Variants in FBXL7 observed in about 807,000 individuals in gnomAD.
FBXL7 encodes F-box/LRR-repeat protein 7.
In FBXL7, 12 loss-of-function variants were observed where a neutral mutation model predicts 38.3. The ratio of observed to expected loss-of-function variants is 0.31; its 90% CI spans 0.20 to 0.51. The LOEUF is 0.51. Ranked by LOEUF, FBXL7 falls within the 20% of genes least tolerant of loss-of-function variation. FBXL7 has a pLI of 0.98. For synonymous variants in FBXL7, 297 were observed against 300.9 expected, an observed-to-expected ratio of 0.99 and a Z score of 0.13; for missense variants, 567 against 676.4, an observed-to-expected ratio of 0.84 and a Z score of 1.79.
chr5:15,805,709 C>A (rs1554022768), intron 2 of FBXL7, among the ~76,000 whole-genome samples: 1 of 151,362 alleles, frequency 6.6e-6, no homozygotes, highest in Non-Finnish European at 1.5e-5. Context: ...GTAATCTATT[C>A]AGAAAAAAAG....
chr5:15,768,486 A>G (rs1006116673), intron 2 of FBXL7, among the ~76,000 whole-genome samples: 2 of 151,782 alleles, frequency 1.3e-5, no homozygotes, highest in South Asian at 2.1e-4. Flanking sequence ...AGCCGAGATC[A>G]TGCCACTGCA....
At chr5:15,724,417 C>T (rs1338236603) in intron 2 of FBXL7, among the ~76,000 whole-genome samples, 1 of 152,106 alleles carries the variant, frequency 6.6e-6, no homozygotes, top group African/African-American at 2.4e-5. Flanking sequence ...CATATGTTTA[C>T]ACCCTGTAAC....
intron 2 of FBXL7, among the ~76,000 whole-genome samples, chr5:15,787,611 T>A (rs1737164922): frequency 6.6e-6 from 1 of 152,164 alleles, no homozygotes; most frequent in Non-Finnish European, 1.5e-5. Context: ...AATAGAGAGG[T>A]ACTCTGTTGT....
intron 1 of FBXL7, among the ~76,000 whole-genome samples, chr5:15,573,085 G>A (rs1160188516): frequency 1.3e-5 from 2 of 152,192 alleles, no homozygotes; most frequent in African/African-American, 4.8e-5. Flanking sequence ...ATTGTGTCCT[G>A]CAGTATCTGG....
chr5:15,569,049 C>T (rs1247341699), intron 1 of FBXL7, among the ~76,000 whole-genome samples: 1 of 152,134 alleles, frequency 6.6e-6, no homozygotes, highest in East Asian at 1.9e-4. Flanking sequence ...GTTCTTTTGG[C>T]TTAGGATTGA....
intron 2 of FBXL7, among the ~76,000 whole-genome samples, chr5:15,866,274 A>G (rs1315719256): frequency 6.6e-6 from 1 of 152,216 alleles, no homozygotes; most frequent in East Asian, 1.9e-4. Context: ...CTGTGGAATT[A>G]TTAGCTGAGT....
At chr5:15,596,264 A>G (rs1580393030) in intron 1 of FBXL7, among the ~76,000 whole-genome samples, 1 of 152,346 alleles carries the variant, frequency 6.6e-6, no homozygotes, top group East Asian at 1.9e-4. Flanking sequence ...CTGTCTTTAG[A>G]TTAAAAAAGC....
intron 2 of FBXL7, among the ~76,000 whole-genome samples, chr5:15,875,907 T>A (rs945391478): frequency 6.6e-6 from 1 of 152,222 alleles, no homozygotes; most frequent in Non-Finnish European, 1.5e-5. Flanking sequence ...ACTGGGTATA[T>A]ACCCAAAGGA....
At chr5:15,687,645 G>A (rs1164267038) in intron 2 of FBXL7, among the ~76,000 whole-genome samples, 2 of 152,170 alleles carry the variant, frequency 1.3e-5, no homozygotes, top group African/African-American at 4.8e-5. Context: ...AAATGGGAAG[G>A]GATGCTAATG....
chr5:15,883,481 A>G (rs1203083055), intron 2 of FBXL7, among the ~76,000 whole-genome samples: 1 of 152,234 alleles, frequency 6.6e-6, no homozygotes, highest in Non-Finnish European at 1.5e-5. Flanking sequence ...AGTTTTATGC[A>G]TAACAATTTT....
intron 2 of FBXL7, among the ~76,000 whole-genome samples, chr5:15,850,492 A>G (rs902250492): frequency 1.3e-5 from 2 of 152,184 alleles, no homozygotes; most frequent in African/African-American, 4.8e-5. Context: ...CACATAAACT[A>G]TGACTTTATC....
chr5:15,508,315 AG>A (rs1205903675), intron 1 of FBXL7, among the ~76,000 whole-genome samples: 1 of 152,204 alleles, frequency 6.6e-6, no homozygotes. Context: ...ACTATGGTAA[AG>A]TTCAAAAAAT....
intron 2 of FBXL7, among the ~76,000 whole-genome samples, chr5:15,890,619 G>C (rs1740863858): frequency 6.6e-6 from 1 of 152,104 alleles, no homozygotes; most frequent in Non-Finnish European, 1.5e-5. Flanking sequence ...CCCTTTATGA[G>C]ACTCTAATTC....
At chr5:15,851,648 A>T (rs1245762868) in intron 2 of FBXL7, among the ~76,000 whole-genome samples, 1 of 152,122 alleles carries the variant, frequency 6.6e-6, no homozygotes, top group Non-Finnish European at 1.5e-5. Flanking sequence ...ATTATTTTCC[A>T]TGTCTCTTTG....
chr5:15,906,132 C>A (rs2126419058), intron 2 of FBXL7, among the ~76,000 whole-genome samples: 1 of 151,934 alleles, frequency 6.6e-6, no homozygotes, highest in African/African-American at 2.4e-5. Flanking sequence ...GCCAACATAT[C>A]AAATGTACAC....
chr5:15,767,185 G>T (rs528000358), intron 2 of FBXL7, among the ~76,000 whole-genome samples: 7 of 151,872 alleles, frequency 4.6e-5, no homozygotes, highest in Non-Finnish European at 1.0e-4. Flanking sequence ...ACAGCCCCCA[G>T]TGTGCGTTGT....
At chr5:15,734,114 C>CA (rs370211850) in intron 2 of FBXL7, among the ~76,000 whole-genome samples, 7,229 of 138,976 alleles carry the variant, frequency 0.052, 234 homozygotes, top group Admixed American at 0.1. Flanking sequence ...GACTGGGTCT[C>CA]AAAAAAAAAA....
intron 3 of FBXL7, among the ~76,000 whole-genome samples, chr5:15,931,529 C>T (rs907817704): frequency 4.6e-5 from 7 of 152,140 alleles, no homozygotes; most frequent in Non-Finnish European, 4.4e-5. Flanking sequence ...TCTCCATGGC[C>T]TCCAGAGGAA....
intron 2 of FBXL7, among the ~76,000 whole-genome samples, chr5:15,870,630 A>G (rs966456620): frequency 3.9e-5 from 6 of 152,208 alleles, no homozygotes; most frequent in Admixed American, 1.3e-4. Context: ...TAGTTTTTCT[A>G]TCACATTTTT....
Sources: gnomAD v4.1 joint callset for allele counts (sites outside exome capture counted in the v4.1 genomes callset) on GRCh38, gnomAD v4.1.1 for gene constraint, MANE v1.5 for transcripts, NCBI Gene and HGNC (gene_info 2026-07-23, HGNC 2026-07-21) for gene names.